The following KIF13B variants were observed in gnomAD, a reference collection of about 807,000 sequenced individuals.
KIF13B encodes the protein kinesin family member 13B.
A neutral mutation model predicts 222.0 loss-of-function variants in KIF13B; 127 were observed. That is an observed-to-expected ratio of 0.57 (90% CI 0.50 to 0.66). The LOEUF (loss-of-function observed/expected upper bound fraction) is 0.66. Ranked by LOEUF, KIF13B falls within the 30% of genes least tolerant of loss-of-function variation. KIF13B has a pLI of 0.00. For synonymous variants in KIF13B, 976 were observed against 919.0 expected (o/e 1.06, Z -1.12); for missense variants, 2,173 against 2,379.0 (o/e 0.91, Z 1.80).
intron 28 of KIF13B, 133 bp downstream of exon 28, chr8:29,123,233 T>G: frequency 1.0e-6 from 1 of 981,830 alleles, no homozygotes. Context: ...ATTTAACAGT[T>G]CCTTTAATTT....
At chr8:29,231,552 A>C (rs1815286254) in intron 2 of KIF13B, among the ~76,000 whole-genome samples, 1 of 152,184 alleles carries the variant, frequency 6.6e-6, no homozygotes, top group Non-Finnish European at 1.5e-5. Context: ...GATGAGAATG[A>C]AATTGAGCAA....
chr8:29,112,225 G>A (rs2133618292), intron 32 of KIF13B, among the ~76,000 whole-genome samples: 1 of 152,232 alleles, frequency 6.6e-6, no homozygotes, highest in Admixed American at 6.5e-5. Context: ...ACGAGGTCAG[G>A]AGACTGAGAG....
chr8:29,228,999 G>C (rs1427188112), intron 2 of KIF13B, among the ~76,000 whole-genome samples: 1 of 149,354 alleles, frequency 6.7e-6, no homozygotes, highest in Non-Finnish European at 1.5e-5. Context: ...TAAACACACA[G>C]AGGGCACTCT....
chr8:29,118,344 A>C (rs1809699950), intron 30 of KIF13B, among the ~76,000 whole-genome samples: 1 of 151,554 alleles, frequency 6.6e-6, no homozygotes, highest in South Asian at 2.1e-4. Flanking sequence ...AAAAAAAAAA[A>C]ATTAGCCAGG....
chr8:29,094,176 C>T (rs1223622190), intron 36 of KIF13B, among the ~76,000 whole-genome samples: 1 of 152,046 alleles, frequency 6.6e-6, no homozygotes, highest in Non-Finnish European at 1.5e-5. Context: ...CTACCACATG[C>T]ATCCTTCTCA....
At chr8:29,174,707 G>T (rs1812404136) in intron 10 of KIF13B, among the ~76,000 whole-genome samples, 1 of 152,102 alleles carries the variant, frequency 6.6e-6, no homozygotes, top group South Asian at 2.1e-4. Flanking sequence ...CTGCATTTTG[G>T]CCAAAGGAAG....
At chr8:29,098,552 G>A (rs372993121) in intron 36 of KIF13B, among the ~76,000 whole-genome samples, 32 of 149,522 alleles carry the variant, frequency 2.1e-4, no homozygotes, top group Non-Finnish European at 2.4e-4. Flanking sequence ...GCAGTGAGCC[G>A]AGATTGCACT....
At chr8:29,201,366 C>A (rs181510991) in intron 2 of KIF13B, among the ~76,000 whole-genome samples, 106 of 152,302 alleles carry the variant, frequency 7.0e-4, no homozygotes, top group African/African-American at 2.5e-3. Flanking sequence ...AATAACAAAT[C>A]ACATCATACA....
intron 13 of KIF13B, 79 bp downstream of exon 13, chr8:29,160,654 T>A (rs1286927166): frequency 7.5e-7 from 1 of 1,328,488 alleles, no homozygotes; most frequent in Non-Finnish European, 1.0e-6. Flanking sequence ...GTAAGCATGG[T>A]TCCCCAAGTT....
At chr8:29,132,973 A>C (rs551611535) in intron 22 of KIF13B, among the ~76,000 whole-genome samples, 1 of 152,384 alleles carries the variant, frequency 6.6e-6, no homozygotes, top group South Asian at 2.1e-4. Flanking sequence ...ATAAGATAGC[A>C]TATTGCAATT....
intron 31 of KIF13B, among the ~76,000 whole-genome samples, chr8:29,114,427 T>C (rs1244350482): frequency 6.6e-6 from 1 of 152,244 alleles, no homozygotes; most frequent in East Asian, 1.9e-4. Flanking sequence ...TCATTAATTC[T>C]CTCCCTTAAC....
Position 29,123,459 on chromosome 8 carries a change from T to C in KIF13B, c.3386A>G (p.Gln1129Arg). Reference protein sequence around the residue: ...KTEDDADREAQLLEMRLTLTE... With the variant: ...KTEDDADREARLLEMRLTLTE... ...TAGGGTCAACCGCATCTCCAGAAGCTGCGCTTCACGGTCAGCATCATCCTC... is the reference window on the plus strand; with the variant it reads ...TAGGGTCAACCGCATCTCCAGAAGCCGCGCTTCACGGTCAGCATCATCCTC... Residue 1129 changes from glutamine to arginine, a missense_variant, in exon 28 of 40, where the codon CAG becomes CGG. Around this residue, in one of 2 missense-constraint regions of KIF13B, gnomAD observed 1,480 missense variants for 1,722.8 expected, o/e 0.86. Transcript: ENST00000524189. 6.2e-7 allele frequency: 1 copy of C among 1,614,060 alleles called. No individual in the cohort carries two copies. The highest frequency in any genetic ancestry group is 1.1e-5 in the South Asian group (1 of 91,088).
At position 29,148,707 on chromosome 8, in the gene KIF13B, G is replaced by A. The variant is rs367758884; in HGVS notation, c.1683C>T (p.Ser561=). The A allele has an allele frequency of 4.7e-5, 76 of 1,611,102 alleles. No homozygotes were observed. In the Middle Eastern group the frequency reaches 4.9e-4, roughly 10 times the overall value. The change falls in exon 16 of 40, where the codon TCC becomes TCT. Residue 561 remains serine (S), a synonymous_variant. Transcript: ENST00000524189. ...GCTCAGAACTATTCTCGTTCTTCAT[G>A]GAGGGATCCTGGTCCTCATCCTCTC... ...AEREDEDQDP[S]MKNENSSEQL...
At chr8:29,130,734 C>A in intron 23 of KIF13B, 69 bp from the exon 24 acceptor site, 1 of 1,414,426 alleles carries the variant, frequency 7.1e-7, no homozygotes, top group Non-Finnish European at 1.0e-6. Flanking sequence ...TAGGGTCCTA[C>A]ACACATAAGA....
intron 19 of KIF13B, among the ~76,000 whole-genome samples, chr8:29,140,929 A>G (rs1810790600): frequency 6.6e-6 from 1 of 152,206 alleles, no homozygotes; most frequent in Non-Finnish European, 1.5e-5. Flanking sequence ...AAAATAAACA[A>G]TATATGTTGA....
chr8:29,159,851 C>A (rs1006369668), intron 13 of KIF13B, among the ~76,000 whole-genome samples: 1 of 152,204 alleles, frequency 6.6e-6, no homozygotes, highest in Non-Finnish European at 1.5e-5. Context: ...GAGTCACTGA[C>A]CCAGGATCTC....
intron 14 of KIF13B, among the ~76,000 whole-genome samples, chr8:29,153,419 A>T (rs1811384775): frequency 6.6e-6 from 1 of 152,226 alleles, no homozygotes; most frequent in African/African-American, 2.4e-5. Flanking sequence ...AAAATTTACC[A>T]GTTCCACTGT....
At chr8:29,146,936 T>C (rs149318388) in intron 17 of KIF13B, among the ~76,000 whole-genome samples, 1 of 152,282 alleles carries the variant, frequency 6.6e-6, no homozygotes, top group African/African-American at 2.4e-5. Flanking sequence ...GTTAGTGAAG[T>C]ACAGTCTGCA....
intron 2 of KIF13B, among the ~76,000 whole-genome samples, chr8:29,240,848 G>A (rs759939144): frequency 3.9e-5 from 6 of 152,160 alleles, no homozygotes; most frequent in Admixed American, 6.5e-5. Flanking sequence ...GAACTCTCAC[G>A]CATTGCTGGT....
Sources: gnomAD v4.1 joint callset for allele counts (sites outside exome capture counted in the v4.1 genomes callset) on GRCh38, gnomAD v4.1.1 for gene constraint, gnomAD v4.1.1 regional missense constraint, MANE v1.5 for transcripts, NCBI Gene and HGNC (gene_info 2026-07-23, HGNC 2026-07-21) for gene names.